Variants in RCOR2 observed in about 807,000 individuals in gnomAD.
RCOR2 encodes the protein REST corepressor 2.
RCOR2 carries 19 observed loss-of-function variants against 58.9 expected under a neutral mutation model. The ratio of observed to expected loss-of-function variants is 0.32; its 90% CI spans 0.23 to 0.47. RCOR2 has a LOEUF of 0.47. Among genes scored for constraint, RCOR2 ranks in the 20% least tolerant of loss-of-function variants. The probability of loss-of-function intolerance (pLI) is 1.00; values close to 1 mark genes in which losing one functional copy is unlikely to be tolerated. For missense variants in RCOR2, 590 were observed against 707.9 expected, an observed-to-expected ratio of 0.83 and a Z score of 1.89; for synonymous variants, 286 against 278.7, an observed-to-expected ratio of 1.03 and a Z score of -0.26.
upstream of RCOR2, among the ~76,000 whole-genome samples, chr11:63,920,787 G>A (rs1344020492): frequency 6.6e-6 from 1 of 151,842 alleles, no homozygotes; most frequent in Admixed American, 6.6e-5. Context: ...CTCCCCTGCC[G>A]CCCACTGGGG....
At chr11:63,913,547 A>G (rs936137585) in intron 8 of RCOR2, among the ~76,000 whole-genome samples, 1 of 146,202 alleles carries the variant, frequency 6.8e-6, no homozygotes, top group Non-Finnish European at 1.5e-5. Flanking sequence ...CAGTGGTGCA[A>G]TCTCAGCTCA....
upstream of RCOR2, among the ~76,000 whole-genome samples, chr11:63,921,460 C>T (rs1941915548): frequency 6.6e-6 from 1 of 151,920 alleles, no homozygotes; most frequent in African/African-American, 2.4e-5. Flanking sequence ...GCCCCAGAAC[C>T]ACCCATCACC....
the RCOR2 span, among the ~76,000 whole-genome samples, chr11:63,925,512 C>T: frequency 2.6e-5 from 4 of 152,002 alleles, no homozygotes; most frequent in South Asian, 4.1e-4. Flanking sequence ...GAGAATACCA[C>T]GAGGAGATGG....
At chr11:63,922,071 A>C (rs753106629), upstream of RCOR2, among the ~76,000 whole-genome samples, 1 of 152,134 alleles carries the variant, frequency 6.6e-6, no homozygotes, top group Non-Finnish European at 1.5e-5. Context: ...TTGGCCCCCT[A>C]ATCCCACCCT....
In RCOR2 at chr11:63,912,437, G is replaced by C. The variant is rs1437039816; in HGVS notation, c.1125C>G (p.Arg375=). The C allele has an allele frequency of 1.9e-6, 3 of 1,613,880 alleles. No homozygotes were observed. The highest frequency in any genetic ancestry group is 2.2e-5 in the East Asian group (1 of 44,892). ...GCAGCACCTCCTCCAGATTGAAGCG[G>C]CGCCGGTAGCTCACAAAGAAAGTCT... ...QVKTFFVSYR[R]RFNLEEVLQE... Residue 375 remains arginine, a synonymous_variant, in exon 11 of 12, where the codon CGC becomes CGG. Coordinates refer to ENST00000301459, the MANE Select transcript of RCOR2 (RefSeq NM_173587.4).
At chr11:63,925,482 CG>C in the RCOR2 span, among the ~76,000 whole-genome samples, 2 of 151,998 alleles carry the variant, frequency 1.3e-5, no homozygotes, top group Non-Finnish European at 1.5e-5. Flanking sequence ...CTTTGATCTT[CG>C]GGGAAAGCCA....
Position 63,912,613 on chromosome 11 carries a change from A to G in RCOR2, c.1027+63T>C, listed in dbSNP as rs922558946. 3.1e-6 allele frequency: 5 copies of G among 1,588,242 alleles called. No homozygotes were observed. In the South Asian group the frequency reaches 3.3e-5, roughly 11 times the overall value. ...CCTGACCCTTCCCCTCTGCCCCCCCACTCCTTGGAGGGTGGGGAGATAGAT... is the reference window on the plus strand; with the variant it reads ...CCTGACCCTTCCCCTCTGCCCCCCCGCTCCTTGGAGGGTGGGGAGATAGAT... On this transcript the variant is annotated intron_variant, in intron 10 of 11. Coordinates refer to ENST00000301459, the MANE Select transcript of RCOR2 (RefSeq NM_173587.4).
At chr11:63,923,333 C>T in the RCOR2 span, among the ~76,000 whole-genome samples, 1 of 151,944 alleles carries the variant, frequency 6.6e-6, no homozygotes, top group Non-Finnish European at 1.5e-5. Flanking sequence ...ACCCCACTCC[C>T]AACCCTCCCT....
In RCOR2 at chr11:63,912,652, T is replaced by C. The variant is rs552362031; in HGVS notation, c.1027+24A>G. On this transcript the variant is annotated intron_variant, in intron 10 of 11. Coordinates refer to ENST00000301459, the MANE Select transcript of RCOR2 (RefSeq NM_173587.4). The stretch of plus-strand genomic sequence containing the variant: ...GGGGAGATAGATTCCTGGGGTCCTC[T>C]CTTCTCACCACAGTTTAACCCACCT... The C allele has an allele frequency of 2.5e-6, 4 of 1,612,962 alleles. No homozygotes were observed. The East Asian group carries it at 6.7e-5, about 27-fold the overall frequency.
At chr11:63,915,396 C>A in intron 2 of RCOR2, 138 bp from the exon 3 acceptor site, 8 of 1,098,932 alleles carry the variant, frequency 7.3e-6, no homozygotes, top group Admixed American at 4.1e-5. Context: ...GAGACCCAGA[C>A]AGGAAGGCAG....
intron 2 of RCOR2, 120 bp downstream of exon 2, chr11:63,915,435 C>T: frequency 8.3e-7 from 1 of 1,199,546 alleles, no homozygotes; most frequent in Non-Finnish European, 1.2e-6. Context: ...GCTGGGGGGC[C>T]ACCCACCCCT....
upstream of RCOR2, among the ~76,000 whole-genome samples, chr11:63,919,091 G>T (rs1941899106): frequency 1.3e-5 from 2 of 152,110 alleles, no homozygotes; most frequent in African/African-American, 4.8e-5. Context: ...TGGGGCGGGG[G>T]TTGGGAGAGT....
chr11:63,914,589 C>T, intron 5 of RCOR2, 48 bp from the exon 6 acceptor site: 1 of 1,611,290 alleles, frequency 6.2e-7, no homozygotes, highest in Admixed American at 1.7e-5. Context: ...GACTCTGGGC[C>T]CCAGGTAAGC....
Position 63,913,972 on chromosome 11 carries a change from G to T in RCOR2, c.873C>A (p.Leu291=). 1 of 1,613,744 alleles carries T rather than the reference G, an allele frequency of 6.2e-7. No homozygotes were observed. Among genetic ancestry groups the T allele is most frequent in the South Asian group, 1.1e-5 (1 of 91,068 alleles). ...NLTLRGLDSQ[L]ISLKRQVQSM... is the part of the protein sequence containing the mutation. ...GCCCCACCTGGCGCTTGAGGGAGAT[G>T]AGCTGAGAGTCAAGACCTCGGAGCG... Residue 291 remains leucine (L), a synonymous_variant, in exon 8 of 12, where the codon CTC becomes CTA. Transcript: ENST00000301459.
chr11:63,922,056 T>C (rs537000663), upstream of RCOR2, among the ~76,000 whole-genome samples: 2 of 152,288 alleles, frequency 1.3e-5, no homozygotes, highest in East Asian at 3.9e-4. Flanking sequence ...AGATAAAAGA[T>C]GAGTTTGGCC....
chr11:63,918,068 C>G (rs1038657476), upstream of RCOR2, among the ~76,000 whole-genome samples: 1 of 152,078 alleles, frequency 6.6e-6, no homozygotes, highest in African/African-American at 2.4e-5. Flanking sequence ...CGTGCCCGTC[C>G]CCGCCGCCCG....
the RCOR2 span, among the ~76,000 whole-genome samples, chr11:63,926,679 T>G: frequency 2.4e-4 from 37 of 151,780 alleles, no homozygotes; most frequent in African/African-American, 8.2e-4. Context: ...GGAGATGGGA[T>G]TTCATCATCT....
rs145089060 is a variant in RCOR2, at chr11:63,914,033, G to A, written c.812C>T (p.Thr271Met). The A allele has an allele frequency of 6.2e-6, 10 of 1,613,800 alleles. No individual in the cohort carries two copies. The highest frequency in any genetic ancestry group is 1.7e-4 in the Middle Eastern group (1 of 6,042). ...KGMYLSPEGL[T>M]AVSGSPDLAN... ...AAGGTCCGGGCTTCCTGACACTGCC[G>A]TGAGGCCTTCAGGGCTCAGGTACAT... Residue 271 changes from threonine to methionine, a missense_variant, in exon 8 of 12, where the codon ACG becomes ATG. Thr to Met is a moderately conservative substitution (Grantham distance 81, BLOSUM62 -1). Around this residue, in one of 3 missense-constraint regions of RCOR2, gnomAD observed 390 missense variants for 478.7 expected, o/e 0.81. Transcript: ENST00000301459.
the RCOR2 span, among the ~76,000 whole-genome samples, chr11:63,926,779 G>GTT: frequency 0.42 from 49,262 of 118,466 alleles, 9,571 homozygotes; most frequent in Non-Finnish European, 0.53. Flanking sequence ...TGCCTGGCCT[G>GTT]TTTTTTTTTT....
Sources: allele counts gnomAD v4.1 joint callset (sites outside exome capture counted in the v4.1 genomes callset), GRCh38; gene constraint gnomAD v4.1.1; regional missense constraint gnomAD v4.1.1; transcripts MANE v1.5; gene names NCBI Gene and HGNC (gene_info 2026-07-23, HGNC 2026-07-21).